NRXN1: variants seen among roughly 807,000 people sequenced by gnomAD.
NRXN1 encodes neurexin-1.
Under a neutral mutation model 150.9 loss-of-function variants are expected in NRXN1, and 39 were observed. The observed-to-expected ratio is 0.26, with a 90% CI of 0.20 to 0.34. The LOEUF is 0.34. Among genes scored for constraint, NRXN1 ranks in the 10% least tolerant of loss-of-function variants. NRXN1 has a pLI of 1.00. For synonymous variants in NRXN1, 924 were observed against 757.0 expected, an observed-to-expected ratio of 1.22 and a Z score of -3.62; for missense variants, 1,815 against 1,949.9, an observed-to-expected ratio of 0.93 and a Z score of 1.30.
At chr2:50,086,847 A>AGAGAGAGAGC (rs958617981) in intron 19 of NRXN1, among the ~76,000 whole-genome samples, 1 of 150,692 alleles carries the variant, frequency 6.6e-6, no homozygotes, top group South Asian at 2.1e-4. Context: ...AGAGAGAGAG[A>AGAGAGAGAGC]GAGCGAGCCG....
intron 15 of NRXN1, among the ~76,000 whole-genome samples, chr2:50,475,119 T>C (rs181397664): frequency 1.3e-5 from 2 of 152,186 alleles, no homozygotes; most frequent in East Asian, 3.9e-4. Context: ...TGTTAGAAAA[T>C]TTCAGCTCTC....
At chr2:50,781,476 G>C (rs1704339620) in intron 5 of NRXN1, among the ~76,000 whole-genome samples, 1 of 152,134 alleles carries the variant, frequency 6.6e-6, no homozygotes, top group Non-Finnish European at 1.5e-5. Flanking sequence ...ATGTAGAAGA[G>C]AATAAAAGAT....
intron 5 of NRXN1, among the ~76,000 whole-genome samples, chr2:50,871,859 C>T (rs960240776): frequency 7.0e-4 from 106 of 151,978 alleles, no homozygotes; most frequent in African/African-American, 2.4e-3. Flanking sequence ...CTACATTCCA[C>T]ATATTAAAAT....
chr2:50,486,674 G>A (rs552392939), intron 15 of NRXN1, among the ~76,000 whole-genome samples: 2 of 152,152 alleles, frequency 1.3e-5, no homozygotes, highest in African/African-American at 4.8e-5. Flanking sequence ...GGGGCATGAG[G>A]AGGGGAGAGG....
At chr2:50,802,920 G>A (rs1017400519) in intron 5 of NRXN1, among the ~76,000 whole-genome samples, 4 of 152,074 alleles carry the variant, frequency 2.6e-5, no homozygotes, top group South Asian at 2.1e-4. Flanking sequence ...CACAAGGAAC[G>A]ATTTCTCTGC....
chr2:50,502,079 A>G (rs2104957838), intron 13 of NRXN1, among the ~76,000 whole-genome samples: 1 of 152,264 alleles, frequency 6.6e-6, no homozygotes, highest in East Asian at 1.9e-4. Flanking sequence ...GGAAATCTCA[A>G]TCTAAAGCTT....
At position 50,346,422 on chromosome 2, in the gene NRXN1, C is replaced by G. The variant is rs922683053; in HGVS notation, c.3365-109452G>C. Among the ~76,000 whole-genome samples, 2 of 152,118 alleles carry G rather than the reference C, an allele frequency of 1.3e-5. No homozygotes were observed. Among genetic ancestry groups the G allele is most frequent in the African/African-American group, 4.8e-5 (2 of 41,440 alleles). ...GCGGGGCCCAGCCGCGCGACCAGGG[C>G]TGGTCCTTTAGTAGGTGTCCACATC... On this transcript the variant is annotated intron_variant, in intron 17 of 22. Coordinates refer to ENST00000401669, the MANE Select transcript of NRXN1 (RefSeq NM_001330078.2). This position sits in a 1 kb window ranked among gnomAD's most constrained non-coding sequence, Gnocchi z 5.0.
At chr2:50,693,370 A>G (rs1692339544) in intron 5 of NRXN1, among the ~76,000 whole-genome samples, 1 of 152,184 alleles carries the variant, frequency 6.6e-6, no homozygotes, top group Non-Finnish European at 1.5e-5. Flanking sequence ...CTTGACAGTA[A>G]GAGTCGGATG....
intron 19 of NRXN1, among the ~76,000 whole-genome samples, chr2:50,066,719 C>G (rs755482704): frequency 1.3e-5 from 2 of 152,032 alleles, no homozygotes; most frequent in Non-Finnish European, 2.9e-5. Flanking sequence ...AGAAAAAACT[C>G]TCATAAAACT....
At chr2:50,391,925 AT>A (rs1558652983) in intron 17 of NRXN1, among the ~76,000 whole-genome samples, 5 of 152,182 alleles carry the variant, frequency 3.3e-5, no homozygotes. Context: ...GTTTCCGACA[AT>A]AAAAGAAATC....
chr2:50,470,368 T>C (rs1339505508), intron 16 of NRXN1, among the ~76,000 whole-genome samples: 1 of 151,684 alleles, frequency 6.6e-6, no homozygotes, highest in Non-Finnish European at 1.5e-5. Context: ...AGAGGCATTA[T>C]GCCAAAATAT....
intron 5 of NRXN1, among the ~76,000 whole-genome samples, chr2:50,853,264 T>A (rs981446832): frequency 9.9e-5 from 15 of 152,230 alleles, no homozygotes; most frequent in African/African-American, 2.6e-4. Context: ...CACAGTAGGA[T>A]ACCAGTGAGG....
rs529192605 is a variant in NRXN1, at chr2:49,984,798, T to C, written c.4129-41007A>G. Among the ~76,000 whole-genome samples the C allele has an allele frequency of 1.4e-4, 22 of 152,144 alleles. No homozygotes were observed. In the South Asian group the frequency reaches 1.7e-3, roughly 11 times the overall value. On this transcript the variant is annotated intron_variant, in intron 21 of 22. Coordinates refer to ENST00000401669, the MANE Select transcript of NRXN1 (RefSeq NM_001330078.2). ...AAGTTATATTGCATAGTAGTAAGCA[T>C]TCTGAAAGTTCAGAGAAGAATGATG...
At position 50,009,254 on chromosome 2, in the gene NRXN1, C is replaced by A. The variant is rs140960451; in HGVS notation, c.4128+44017G>T. On this transcript the variant is annotated intron_variant, in intron 21 of 22. Coordinates refer to ENST00000401669, the MANE Select transcript of NRXN1 (RefSeq NM_001330078.2). Reference sequence around the variant, plus strand: ...GAACTTAGGTAGCTATTGTCACAATCTCTGCAGTCACTAAGCATAGAAAGT... The same window carrying A: ...GAACTTAGGTAGCTATTGTCACAATATCTGCAGTCACTAAGCATAGAAAGT... Among the ~76,000 whole-genome samples, 1,257 of 152,220 alleles carry A rather than the reference C, an allele frequency of 8.3e-3. 15 individuals are homozygous for A. Among genetic ancestry groups the A allele is most frequent in the African/African-American group, 0.029 (1,185 of 41,534 alleles).
chr2:50,062,715 CAGT>C (rs1694742171), intron 19 of NRXN1, among the ~76,000 whole-genome samples: 1 of 152,114 alleles, frequency 6.6e-6, no homozygotes, highest in South Asian at 2.1e-4. Context: ...AACTATCGAT[CAGT>C]AGAGACAAGC....
At chr2:50,323,912 C>G (rs540301774) in intron 17 of NRXN1, among the ~76,000 whole-genome samples, 1 of 152,036 alleles carries the variant, frequency 6.6e-6, no homozygotes, top group Admixed American at 6.6e-5. Flanking sequence ...GGGTACCAAC[C>G]GCCAGAAACA....
In NRXN1 at chr2:51,027,848, G is replaced by A. The variant is rs1306839384; in HGVS notation, c.426C>T (p.Ser142=). Residue 142 remains serine (S), a synonymous_variant, in exon 2 of 23, where the codon TCC becomes TCT. Transcript: ENST00000401669. ...QVEAKWVEVK[S]KRRDMTVFSG... is the part of the protein sequence containing the mutation. ...TGAACACCGTCATGTCCCTGCGCTT[G>A]GACTTGACCTCCACCCACTTGGCCT... 6.2e-7 allele frequency: 1 copy of A among 1,613,246 alleles called. No individual in the cohort carries two copies. Among genetic ancestry groups the A allele is most frequent in the Non-Finnish European group, 8.5e-7 (1 of 1,179,716 alleles).
In NRXN1 at chr2:50,945,877, GATATATAT is replaced by G. The variant is rs72142854; in HGVS notation, c.773-19930_773-19923del. Among the ~76,000 whole-genome samples, 4 of 138,682 alleles carry G rather than the reference GATATATAT, an allele frequency of 2.9e-5. No individual in the cohort carries two copies. In the East Asian group the frequency reaches 6.4e-4, roughly 22 times the overall value. 91.0% of individuals were successfully genotyped at this position (138,682 alleles called of 152,430 possible). ...AATATGAAAGTACTTCAGAAAAACA[GATATATAT>G]ATATATATATATATACACACACACA... is the stretch of plus-strand genomic sequence containing the variant. On this transcript the variant is annotated intron_variant, in intron 2 of 22. Transcript: ENST00000401669.
At chr2:51,019,580 T>C (rs1669278303) in intron 2 of NRXN1, among the ~76,000 whole-genome samples, 1 of 152,062 alleles carries the variant, frequency 6.6e-6, no homozygotes, top group Non-Finnish European at 1.5e-5. Context: ...AGAGTTATGG[T>C]TGAACTACCT....
Sources: allele counts gnomAD v4.1 joint callset (sites outside exome capture counted in the v4.1 genomes callset), GRCh38; gene constraint gnomAD v4.1.1; non-coding constraint Gnocchi (gnomAD v3.1); transcripts MANE v1.5; gene names NCBI Gene and HGNC (gene_info 2026-07-23, HGNC 2026-07-21).